CCDC170: variants seen among roughly 807,000 people sequenced by gnomAD.
CCDC170 encodes coiled-coil domain containing 170, also known as coiled-coil domain-containing protein 170.
CCDC170 carries 69 observed loss-of-function variants against 72.6 expected under a neutral mutation model. The ratio of observed to expected loss-of-function variants is 0.95; its 90% confidence interval spans 0.78 to 1.16. CCDC170 has a LOEUF of 1.16. CCDC170 is among the 50% of genes most tolerant of loss of function. CCDC170 has a pLI of 0.00. For synonymous variants in CCDC170, 300 were observed against 303.9 expected (o/e 0.99, Z 0.13); for missense variants, 852 against 832.5 (o/e 1.02, Z -0.29).
chr6:151,557,022 T>G (rs959258483), intron 5 of CCDC170, among the ~76,000 whole-genome samples: 1 of 152,302 alleles, frequency 6.6e-6, no homozygotes, highest in African/African-American at 2.4e-5. Context: ...CTCAACATAA[T>G]GACCTCTCAT....
chr6:151,516,012 G>A (rs1782229934), intron 1 of CCDC170, among the ~76,000 whole-genome samples: 1 of 151,730 alleles, frequency 6.6e-6, no homozygotes, highest in East Asian at 1.9e-4. Context: ...GTTGCAGTGA[G>A]CTGAGATCGC....
In CCDC170 at chr6:151,536,367, A is replaced by T. The variant is rs1782581217; in HGVS notation, c.107A>T (p.Asn36Ile). The change falls in exon 2 of 11, where the codon AAC becomes ATC. Residue 36 changes from asparagine to isoleucine, a missense_variant. Transcript: ENST00000239374. ...SEVPVTREQL[N>I]HYRNVAQNAR... is the part of the protein sequence containing the mutation. ...GTCCCGGTCACGCGGGAGCAGTTAA[A>T]CCACTATCGGAATGTGGCTCAAAAT... 6.2e-7 allele frequency: 1 copy of T among 1,614,154 alleles called. No homozygotes were observed. The highest frequency in any genetic ancestry group is 8.5e-7 in the Non-Finnish European group (1 of 1,180,024).
intron 5 of CCDC170, among the ~76,000 whole-genome samples, chr6:151,572,652 T>TTTTTTTTTTTTTTTTTTTTTTTTTC (rs1776236585): frequency 1.3e-5 from 1 of 77,536 alleles, no homozygotes; most frequent in African/African-American, 5.2e-5. Context: ...TCTCTGTGTT[T>TTTTTTTTTTTTTTTTTTTTTTTTTC]TTTTTTTTTT....
At position 151,565,057 on chromosome 6, in the gene CCDC170, C is replaced by T. The variant is rs547240300; in HGVS notation, c.775-8117C>T. ...CGTTGGGGAGCCTGTCCTTGGGACACTTGTATATGTGCGATGGTGGCCTGC... is the reference window on the plus strand; with the variant it reads ...CGTTGGGGAGCCTGTCCTTGGGACATTTGTATATGTGCGATGGTGGCCTGC... On this transcript the variant is annotated intron_variant, in intron 5 of 10. Transcript: ENST00000239374. 2.0e-5 allele frequency among the ~76,000 whole-genome samples: 3 copies of T among 152,208 alleles called. No individual in the cohort carries two copies. In the South Asian group the frequency reaches 6.2e-4, roughly 32 times the overall value.
intron 3 of CCDC170, among the ~76,000 whole-genome samples, chr6:151,540,220 G>C (rs1028208217): frequency 6.6e-6 from 1 of 151,958 alleles, no homozygotes; most frequent in Non-Finnish European, 1.5e-5. Flanking sequence ...GGCCTATTCA[G>C]TTCCTGGTGA....
chr6:151,546,572 C>A (rs1181060065), intron 4 of CCDC170, among the ~76,000 whole-genome samples: 2 of 152,140 alleles, frequency 1.3e-5, no homozygotes, highest in African/African-American at 4.8e-5. Flanking sequence ...CACTCCCCAG[C>A]CACCTCCTAC....
Position 151,526,095 on chromosome 6 carries a change from T to TTC in CCDC170, c.58-10223_58-10222insTC, listed in dbSNP as rs1562271394. ...TCCTTCCTTCCTTCCTTCCTTCCTT[T>TTC]CTTCCTTCCTTCCTTCCTTCCTTTC... On this transcript the variant is annotated intron_variant, in intron 1 of 10. Coordinates refer to ENST00000239374, the MANE Select transcript of CCDC170 (RefSeq NM_025059.4). Among the ~76,000 whole-genome samples, 739 of 145,686 alleles carry TTC rather than the reference T, an allele frequency of 5.1e-3. 8 individuals are homozygous for TTC. Among genetic ancestry groups the TTC allele is most frequent in the African/African-American group, 0.018 (667 of 37,406 alleles).
intron 6 of CCDC170, among the ~76,000 whole-genome samples, chr6:151,573,926 AG>A (rs1776265938): frequency 6.6e-6 from 1 of 152,262 alleles, no homozygotes; most frequent in South Asian, 2.1e-4. Context: ...AAACCATATC[AG>A]TGACTTATCT....
chr6:151,559,711 T>A (rs1318684798), intron 5 of CCDC170, among the ~76,000 whole-genome samples: 1 of 152,192 alleles, frequency 6.6e-6, no homozygotes, highest in African/African-American at 2.4e-5. Context: ...CTTGTCTGAT[T>A]TCTCTGGCTA....
intron 1 of CCDC170, among the ~76,000 whole-genome samples, chr6:151,532,609 G>GAA (rs1554220999): frequency 3.7e-5 from 3 of 80,710 alleles, no homozygotes; most frequent in Non-Finnish European, 5.2e-5. Context: ...TGTCTCAAAA[G>GAA]AAAAAAAAAA....
Position 151,596,337 on chromosome 6 carries a change from A to G in CCDC170, c.1470A>G (p.Leu490=), listed in dbSNP as rs747132520. ...KTIAHNLQRK[L]KTQKERLESK... The stretch of plus-strand genomic sequence containing the variant: ...AATCCCTGTTTGCATCAAACCAGCT[A>G]AAGACACAGAAAGAGAGACTGGAGA... The change falls in exon 9 of 11, where the codon CTA becomes CTG. Residue 490 remains leucine, a splice_region_variant and synonymous_variant. Coordinates refer to ENST00000239374, the MANE Select transcript of CCDC170 (RefSeq NM_025059.4). The G allele has an allele frequency of 8.1e-6, 13 of 1,604,876 alleles. No individual in the cohort carries two copies. Among genetic ancestry groups the G allele is most frequent in the Non-Finnish European group, 1.1e-5 (13 of 1,177,040 alleles).
At chr6:151,603,902 A>G (rs1337322508) in intron 9 of CCDC170, among the ~76,000 whole-genome samples, 1 of 152,150 alleles carries the variant, frequency 6.6e-6, no homozygotes, top group African/African-American at 2.4e-5. Context: ...TAGTCCCTGG[A>G]CCTCATTTAA....
At chr6:151,577,631 A>AC (rs11335230) in intron 6 of CCDC170, among the ~76,000 whole-genome samples, 26 of 151,728 alleles carry the variant, frequency 1.7e-4, no homozygotes, top group Admixed American at 3.9e-4. Context: ...AGCTGTGGGG[A>AC]CCCCCCCCGA....
chr6:151,579,997 G>C (rs925980217), intron 6 of CCDC170, among the ~76,000 whole-genome samples: 4 of 152,158 alleles, frequency 2.6e-5, no homozygotes, highest in African/African-American at 9.7e-5. Context: ...CAAAGCCTCC[G>C]TCCTGCACTC....
intron 7 of CCDC170, among the ~76,000 whole-genome samples, chr6:151,589,562 T>TC (rs886403546): frequency 3.9e-5 from 6 of 152,130 alleles, no homozygotes; most frequent in Admixed American, 2.0e-4. Flanking sequence ...CTCCAATGCC[T>TC]CCCCCATCTC....
chr6:151,537,346 G>A (rs979086358), intron 2 of CCDC170, among the ~76,000 whole-genome samples: 1 of 152,190 alleles, frequency 6.6e-6, no homozygotes, highest in African/African-American at 2.4e-5. Flanking sequence ...ATGTGTGTGT[G>A]AATAAATGTA....
intron 5 of CCDC170, among the ~76,000 whole-genome samples, chr6:151,570,357 C>T (rs1357217785): frequency 1.3e-5 from 2 of 152,146 alleles, no homozygotes; most frequent in Non-Finnish European, 2.9e-5. Flanking sequence ...GTGCAGTCGA[C>T]CCTCTGCATC....
chr6:151,576,284 A>G (rs142116024), intron 6 of CCDC170, among the ~76,000 whole-genome samples: 101 of 152,348 alleles, frequency 6.6e-4, no homozygotes, highest in African/African-American at 2.3e-3. Flanking sequence ...AGGCGAAGCC[A>G]TGATATTCGG....
intron 1 of CCDC170, among the ~76,000 whole-genome samples, chr6:151,502,648 A>G (rs1389103146): frequency 1.3e-5 from 2 of 152,232 alleles, no homozygotes. Context: ...TTGAAATCTT[A>G]TGAATGTTTG....
Sources: allele counts gnomAD v4.1 joint callset (sites outside exome capture counted in the v4.1 genomes callset), GRCh38; gene constraint gnomAD v4.1.1; transcripts MANE v1.5; gene names NCBI Gene and HGNC (gene_info 2026-07-23, HGNC 2026-07-21).